The following CLINT1 variants were observed in gnomAD, a reference collection of about 807,000 sequenced individuals.
CLINT1 encodes the protein clathrin interacting protein localized in the trans-Golgi region.
A neutral mutation model predicts 70.4 loss-of-function variants in CLINT1; 15 were observed. The observed-to-expected ratio is 0.21, with a 90% CI of 0.14 to 0.33. The LOEUF (loss-of-function observed/expected upper bound fraction) is 0.33, where lower values mean the gene tolerates loss of function less well. Ranked by LOEUF, CLINT1 falls within the 10% of genes least tolerant of loss-of-function variation. CLINT1 has a pLI of 1.00. For missense variants in CLINT1, 615 were observed against 778.1 expected, an observed-to-expected ratio of 0.79 and a Z score of 2.49; for synonymous variants, 227 against 254.7, an observed-to-expected ratio of 0.89 and a Z score of 1.04.
At chr5:157,844,318 G>A (rs775331267) in intron 1 of CLINT1, among the ~76,000 whole-genome samples, 3 of 151,926 alleles carry the variant, frequency 2.0e-5, no homozygotes, top group Non-Finnish European at 4.4e-5. Flanking sequence ...ACCTTCTTTC[G>A]TTTATGACAG....
intron 10 of CLINT1, among the ~76,000 whole-genome samples, chr5:157,791,023 A>C (rs929354538): frequency 5.3e-5 from 8 of 152,130 alleles, no homozygotes; most frequent in Non-Finnish European, 7.4e-5. Flanking sequence ...TACTAAGTGG[A>C]TACTTGCCGT....
Position 157,806,061 on chromosome 5 carries a change from T to A in CLINT1, c.747A>T (p.Glu249Asp). The A allele has an allele frequency of 6.2e-7, 1 of 1,613,984 alleles. No homozygotes were observed. Among genetic ancestry groups the A allele is most frequent in the East Asian group, 2.2e-5 (1 of 44,876 alleles). Residue 249 changes from glutamate to aspartate, a missense_variant, in exon 7 of 12, where the codon GAA becomes GAT. Transcript: ENST00000411809. The part of the protein sequence containing the change: ...KARRGRSPKG[E>D]FKDEEETVTT... ...TCACAGTCTCCTCTTCATCTTTGAA[T>A]TCACCTTTGGGAGATCTGCCTCTTC... is the stretch of plus-strand genomic sequence containing the variant.
intron 1 of CLINT1, among the ~76,000 whole-genome samples, chr5:157,839,180 G>T (rs2113293037): frequency 6.6e-6 from 1 of 152,290 alleles, no homozygotes; most frequent in African/African-American, 2.4e-5. Context: ...AGTGGGCCAT[G>T]ATCGTGCCAC....
chr5:157,853,135 G>A (rs796292214), intron 1 of CLINT1, among the ~76,000 whole-genome samples: 2 of 152,210 alleles, frequency 1.3e-5, no homozygotes, highest in African/African-American at 4.8e-5. Flanking sequence ...ATCACATGAA[G>A]TCAGGAGTTC....
chr5:157,850,266 C>A (rs1008706961), intron 1 of CLINT1, among the ~76,000 whole-genome samples: 3 of 152,230 alleles, frequency 2.0e-5, no homozygotes, highest in Non-Finnish European at 4.4e-5. Context: ...TAGTGAGAAA[C>A]AGGCCATCCT....
intron 8 of CLINT1, chr5:157,795,230 T>C (rs991125230): frequency 1.2e-5 from 5 of 413,308 alleles, no homozygotes; most frequent in Non-Finnish European, 2.2e-5. Context: ...ATCTCACTAA[T>C]ATTTCACAAG....
At chr5:157,833,644 A>C (rs1384340436) in intron 1 of CLINT1, among the ~76,000 whole-genome samples, 3 of 152,096 alleles carry the variant, frequency 2.0e-5, no homozygotes, top group African/African-American at 7.2e-5. Flanking sequence ...TAGAATTACA[A>C]CTAAAACCAG....
intron 1 of CLINT1, among the ~76,000 whole-genome samples, chr5:157,849,818 CTG>C (rs1394074750): frequency 6.6e-6 from 1 of 152,188 alleles, no homozygotes. Flanking sequence ...AGGATATCCT[CTG>C]TAATAAATAT....
At chr5:157,789,794 C>T in intron 10 of CLINT1, 1 of 519,824 alleles carries the variant, frequency 1.9e-6, no homozygotes, top group East Asian at 3.4e-5. Context: ...CAATTATTCT[C>T]CCATCACTCA....
At chr5:157,835,990 T>A (rs1255178770) in intron 1 of CLINT1, among the ~76,000 whole-genome samples, 1 of 152,234 alleles carries the variant, frequency 6.6e-6, no homozygotes, top group Non-Finnish European at 1.5e-5. Flanking sequence ...TTTCTATAGA[T>A]GTACCAATTC....
chr5:157,840,571 T>C (rs544146740), intron 1 of CLINT1, among the ~76,000 whole-genome samples: 11 of 147,212 alleles, frequency 7.5e-5, no homozygotes, highest in South Asian at 2.1e-4. Flanking sequence ...GGGAAGTAAG[T>C]GTGTGTGTGT....
chr5:157,833,895 T>A (rs1056119838), intron 1 of CLINT1, among the ~76,000 whole-genome samples: 7 of 151,860 alleles, frequency 4.6e-5, no homozygotes, highest in African/African-American at 1.5e-4. Flanking sequence ...TGGGCCGTGA[T>A]CGTGCCACTG....
At chr5:157,851,376 A>C (rs543302759) in intron 1 of CLINT1, among the ~76,000 whole-genome samples, 2 of 152,258 alleles carry the variant, frequency 1.3e-5, no homozygotes, top group African/African-American at 4.8e-5. Context: ...TTGAGAAGCT[A>C]AATAAAATTC....
At chr5:157,795,231 A>G (rs1334775788) in intron 8 of CLINT1, 1 of 411,926 alleles carries the variant, frequency 2.4e-6, no homozygotes, top group Non-Finnish European at 4.4e-6. Context: ...TCTCACTAAT[A>G]TTTCACAAGC....
chr5:157,843,355 C>G (rs1173929878), intron 1 of CLINT1, among the ~76,000 whole-genome samples: 1 of 152,104 alleles, frequency 6.6e-6, no homozygotes, highest in Non-Finnish European at 1.5e-5. Context: ...AAACAACAAG[C>G]ATCTTAAGAC....
At chr5:157,845,803 C>T (rs1415046101) in intron 1 of CLINT1, among the ~76,000 whole-genome samples, 1 of 152,198 alleles carries the variant, frequency 6.6e-6, no homozygotes, top group African/African-American at 2.4e-5. Context: ...ATCCGCCTGC[C>T]TCCACCTCCC....
intron 1 of CLINT1, among the ~76,000 whole-genome samples, chr5:157,830,796 C>CTCTCTCTATATATA (rs1300619885): frequency 3.5e-5 from 3 of 85,718 alleles, no homozygotes; most frequent in African/African-American, 1.5e-4. Context: ...CTCTCTCTCT[C>CTCTCTCTATATATA]TATATATATA....
At chr5:157,790,449 GAC>G (rs1207710925) in intron 10 of CLINT1, 1 of 325,548 alleles carries the variant, frequency 3.1e-6, no homozygotes, top group Non-Finnish European at 5.9e-6. Flanking sequence ...AACTGAAAAG[GAC>G]AGAAAAAAGG....
chr5:157,813,044 G>C lies in CLINT1; in HGVS notation c.517+19C>G. On this transcript the variant is annotated intron_variant, in intron 5 of 11. Transcript: ENST00000411809. Reference sequence around the variant, plus strand: ...AAGCTAAGCTGATGCTTAGGTGTCAGCTTGTCTTTGATACTCACTGTATCT... The same window carrying C: ...AAGCTAAGCTGATGCTTAGGTGTCACCTTGTCTTTGATACTCACTGTATCT... The C allele has an allele frequency of 2.5e-6, 4 of 1,608,432 alleles. No homozygotes were observed. The South Asian group carries it at 3.3e-5, about 13-fold the overall frequency.
Sources: allele counts gnomAD v4.1 joint callset (sites outside exome capture counted in the v4.1 genomes callset), GRCh38; gene constraint gnomAD v4.1.1; transcripts MANE v1.5; gene names NCBI Gene and HGNC (gene_info 2026-07-23, HGNC 2026-07-21).